Variants in CAMTA1 observed in about 807,000 individuals in gnomAD.
CAMTA1 encodes the protein calmodulin binding transcription activator 1.
A neutral mutation model predicts 170.9 loss-of-function variants in CAMTA1; 27 were observed. The observed-to-expected ratio is 0.16, with a 90% CI of 0.12 to 0.22. CAMTA1 has a LOEUF of 0.22. Among genes scored for constraint, CAMTA1 ranks in the 10% least tolerant of loss-of-function variants. The pLI is 1.00. For missense variants in CAMTA1, 1,619 were observed against 2,217.2 expected, an observed-to-expected ratio of 0.73 and a Z score of 5.42; for synonymous variants, 833 against 891.5, an observed-to-expected ratio of 0.93 and a Z score of 1.17.
At chr1:7,143,473 C>T (rs1333595729) in intron 4 of CAMTA1, among the ~76,000 whole-genome samples, 1 of 152,146 alleles carries the variant, frequency 6.6e-6, no homozygotes, top group Non-Finnish European at 1.5e-5. Flanking sequence ...CTAAGTGCCA[C>T]CCATTGGCTT....
chr1:6,842,432 G>A (rs1656198663), intron 3 of CAMTA1, among the ~76,000 whole-genome samples: 1 of 152,222 alleles, frequency 6.6e-6, no homozygotes, highest in South Asian at 2.1e-4. Flanking sequence ...GGACAGATTT[G>A]TAAACATATC....
intron 3 of CAMTA1, among the ~76,000 whole-genome samples, chr1:6,990,931 T>G (rs895007855): frequency 3.9e-5 from 6 of 152,014 alleles, no homozygotes; most frequent in African/African-American, 1.4e-4. Context: ...GAGATTTCAG[T>G]GCACTGGTGA....
intron 10 of CAMTA1, among the ~76,000 whole-genome samples, chr1:7,671,377 G>C (rs904743941): frequency 1.3e-5 from 2 of 152,220 alleles, no homozygotes; most frequent in Admixed American, 1.3e-4. Flanking sequence ...AGGGTGACTA[G>C]AGCTGGTAAG....
intron 6 of CAMTA1, among the ~76,000 whole-genome samples, chr1:7,480,115 GTGTGTGTGAGTA>G (rs747239269): frequency 7.0e-4 from 105 of 150,790 alleles, no homozygotes; most frequent in Non-Finnish European, 8.9e-4. Flanking sequence ...GAGCGTGTGT[GTGTGTGTGAGTA>G]TGTGTGTGTG....
At chr1:7,160,917 A>G (rs952565460) in intron 4 of CAMTA1, among the ~76,000 whole-genome samples, 1 of 151,970 alleles carries the variant, frequency 6.6e-6, no homozygotes, top group East Asian at 1.9e-4. Context: ...GTCATTCACC[A>G]CTTGTGTTGA....
intron 11 of CAMTA1, among the ~76,000 whole-genome samples, chr1:7,713,464 A>T (rs972730108): frequency 1.3e-5 from 2 of 151,376 alleles, no homozygotes; most frequent in Admixed American, 6.6e-5. Flanking sequence ...AAAAAGTTTC[A>T]CATAAGTTTA....
chr1:7,626,921 A>G (rs2095637592), intron 6 of CAMTA1, among the ~76,000 whole-genome samples: 1 of 152,174 alleles, frequency 6.6e-6, no homozygotes, highest in African/African-American at 2.4e-5. Context: ...AAATACATAA[A>G]GCATCCAGGA....
At chr1:7,431,627 CT>C (rs1033507209) in intron 5 of CAMTA1, among the ~76,000 whole-genome samples, 2 of 152,202 alleles carry the variant, frequency 1.3e-5, no homozygotes, top group African/African-American at 4.8e-5. Context: ...GCAGTTAAGC[CT>C]GCTGGTGGCC....
At chr1:7,335,137 T>G (rs866428029) in intron 5 of CAMTA1, among the ~76,000 whole-genome samples, 58 of 35,816 alleles carry the variant, frequency 1.6e-3, no homozygotes, top group African/African-American at 3.7e-3. Flanking sequence ...TGTGTGTGTG[T>G]GTGGGGGGGG....
At chr1:7,152,108 G>T (rs1646612323) in intron 4 of CAMTA1, among the ~76,000 whole-genome samples, 1 of 152,178 alleles carries the variant, frequency 6.6e-6, no homozygotes. Flanking sequence ...TTATGATTCT[G>T]TCTGAAGTGA....
intron 6 of CAMTA1, among the ~76,000 whole-genome samples, chr1:7,598,344 A>G (rs1389988552): frequency 1.3e-5 from 2 of 152,206 alleles, no homozygotes; most frequent in East Asian, 1.9e-4. Flanking sequence ...ATTTTTGGAC[A>G]TTTGGGTTGG....
intron 5 of CAMTA1, among the ~76,000 whole-genome samples, chr1:7,336,424 G>T (rs2083388087): frequency 6.6e-6 from 1 of 152,228 alleles, no homozygotes; most frequent in South Asian, 2.1e-4. Flanking sequence ...TGACTTGGGG[G>T]TGATGAGATG....
intron 1 of CAMTA1, among the ~76,000 whole-genome samples, chr1:6,807,902 AG>A (rs1036941282): frequency 3.9e-5 from 6 of 152,026 alleles, no homozygotes; most frequent in Non-Finnish European, 8.8e-5. Context: ...AGAAGTCTGT[AG>A]GGAAGCAGAT....
intron 6 of CAMTA1, among the ~76,000 whole-genome samples, chr1:7,589,055 G>T (rs368015337): frequency 1.1e-4 from 16 of 152,176 alleles, no homozygotes; most frequent in African/African-American, 3.6e-4. Flanking sequence ...ATTAGCATTC[G>T]TTTCCTCCGT....
intron 3 of CAMTA1, among the ~76,000 whole-genome samples, chr1:6,906,424 T>A (rs2149246952): frequency 6.6e-6 from 1 of 152,202 alleles, no homozygotes; most frequent in South Asian, 2.1e-4. Context: ...TAGTGGCCCT[T>A]CTCCCAGCCT....
At chr1:7,281,799 TTGTGTGTG>T (rs57489369) in intron 5 of CAMTA1, among the ~76,000 whole-genome samples, 51,994 of 139,072 alleles carry the variant, frequency 0.37, 10,371 homozygotes, top group Admixed American at 0.48. Context: ...GGGAAAGAAA[TTGTGTGTG>T]TGTGTGTGTG....
In CAMTA1 at chr1:7,749,093, C is replaced by T. The variant is rs192741391; in HGVS notation, c.4689+1312C>T. Among the ~76,000 whole-genome samples the T allele has an allele frequency of 1.9e-3, 296 of 152,216 alleles. 1 individual carries two copies. The highest frequency in any genetic ancestry group is 0.012 in the South Asian group (59 of 4,824). ...CTAATGGAGTTTTGACTGGTTCACA[C>T]GATAAAATTCAGGCCTGTCAGTAGA... On this transcript the variant is annotated intron_variant, in intron 19 of 22. Coordinates refer to ENST00000303635, the MANE Select transcript of CAMTA1 (RefSeq NM_015215.4).
At chr1:7,507,737 C>T (rs754912714) in intron 6 of CAMTA1, among the ~76,000 whole-genome samples, 4 of 152,322 alleles carry the variant, frequency 2.6e-5, no homozygotes, top group East Asian at 3.9e-4. Flanking sequence ...TTGGGGCCCA[C>T]GGGCCACGTC....
chr1:7,447,824 A>G (rs555238168), intron 5 of CAMTA1, among the ~76,000 whole-genome samples: 215 of 152,324 alleles, frequency 1.4e-3, no homozygotes, highest in African/African-American at 5.1e-3. Flanking sequence ...TGAGCATTCC[A>G]GGTGGGCTCG....
Sources: allele counts gnomAD v4.1 joint callset (sites outside exome capture counted in the v4.1 genomes callset), GRCh38; gene constraint gnomAD v4.1.1; transcripts MANE v1.5; gene names NCBI Gene and HGNC (gene_info 2026-07-23, HGNC 2026-07-21).